LARGE1: variants seen among roughly 807,000 people sequenced by gnomAD.
The protein encoded by LARGE1 is xylosyl- and glucuronyltransferase LARGE1.
A neutral mutation model predicts 87.6 loss-of-function variants in LARGE1; 43 were observed. The observed-to-expected ratio is 0.49, with a 90% CI of 0.38 to 0.63. The LOEUF (loss-of-function observed/expected upper bound fraction) is 0.63. Among genes scored for constraint, LARGE1 ranks in the 30% least tolerant of loss-of-function variants. The pLI, the probability that LARGE1 is intolerant of heterozygous loss-of-function variation, is 0.00. For synonymous variants in LARGE1, 434 were observed against 394.6 expected (o/e 1.10, Z -1.18); for missense variants, 802 against 1,000.2 (o/e 0.80, Z 2.67).
At chr22:33,610,340 C>T (rs545796524) in intron 4 of LARGE1, among the ~76,000 whole-genome samples, 11 of 152,206 alleles carry the variant, frequency 7.2e-5, no homozygotes, top group Non-Finnish European at 1.5e-4. Context: ...TCCAGTCTGA[C>T]AAGTTCTCAG....
intron 2 of LARGE1, among the ~76,000 whole-genome samples, chr22:33,746,759 G>T (rs537610039): frequency 6.6e-6 from 1 of 152,336 alleles, no homozygotes; most frequent in Admixed American, 6.5e-5. Context: ...GAGTGAGGCT[G>T]TTGTGCAAGA....
the LARGE1 span, among the ~76,000 whole-genome samples, chr22:33,156,125 C>T: frequency 2.0e-5 from 3 of 152,194 alleles, no homozygotes; most frequent in Non-Finnish European, 4.4e-5. Flanking sequence ...TCATGGAGAA[C>T]CTCTGCTAGG....
chr22:33,855,533 T>C (rs1254799048), intron 1 of LARGE1, among the ~76,000 whole-genome samples: 5 of 151,910 alleles, frequency 3.3e-5, no homozygotes. Context: ...TGTGGTACAA[T>C]CCCCAGGACC....
chr22:33,894,652 T>A (rs1235310423), intron 1 of LARGE1, among the ~76,000 whole-genome samples: 1 of 152,018 alleles, frequency 6.6e-6, no homozygotes, highest in African/African-American at 2.4e-5. Flanking sequence ...CCAGGCAAGT[T>A]AGGACAGGGC....
the LARGE1 span, among the ~76,000 whole-genome samples, chr22:33,093,043 C>T: frequency 4.3e-5 from 6 of 139,100 alleles, no homozygotes; most frequent in Admixed American, 1.4e-4. Flanking sequence ...TTTGAGGAAT[C>T]GCCACACTGT....
rs373575389 is a variant in LARGE1, at chr22:33,614,542, C to T, written c.492-9984G>A. Among the ~76,000 whole-genome samples, 6 of 152,200 alleles carry T rather than the reference C, an allele frequency of 3.9e-5. No homozygotes were observed. The East Asian group carries it at 5.8e-4, about 15-fold the overall frequency. On this transcript the variant is annotated intron_variant, in intron 4 of 14. Coordinates refer to ENST00000397394, the MANE Select transcript of LARGE1 (RefSeq NM_133642.5). ...CTGTCCCTCAAAGCTCATATCTTCA[C>T]ACCCCTTCCTTAAACCCTGCACTCC...
intron 6 of LARGE1, among the ~76,000 whole-genome samples, chr22:33,547,880 A>G (rs1470381460): frequency 4.0e-5 from 6 of 151,014 alleles, no homozygotes; most frequent in East Asian, 1.9e-4. Flanking sequence ...GCTATAGGGT[A>G]TATCAGAACT....
intron 6 of LARGE1, among the ~76,000 whole-genome samples, chr22:33,482,719 A>G (rs943535346): frequency 6.6e-6 from 1 of 152,238 alleles, no homozygotes; most frequent in African/African-American, 2.4e-5. Context: ...AATAAAAAAA[A>G]ACACCAAACA....
At chr22:33,409,900 T>A (rs1347385278) in intron 7 of LARGE1, among the ~76,000 whole-genome samples, 2 of 149,446 alleles carry the variant, frequency 1.3e-5, no homozygotes, top group Admixed American at 6.7e-5. Context: ...CTTGGTTGAA[T>A]GTCCACAAAT....
intron 7 of LARGE1, among the ~76,000 whole-genome samples, chr22:33,428,123 C>T (rs1402018844): frequency 2.6e-5 from 4 of 152,230 alleles, no homozygotes; most frequent in Non-Finnish European, 4.4e-5. Flanking sequence ...GAGACCTTAG[C>T]AAACCCCAGT....
At position 33,709,487 on chromosome 22, in the gene LARGE1, C is replaced by T. The variant is rs548629105; in HGVS notation, c.106+51884G>A. On this transcript the variant is annotated intron_variant, in intron 2 of 14. Coordinates refer to ENST00000397394, the MANE Select transcript of LARGE1 (RefSeq NM_133642.5). ...CTACTAGTCATTTGCATTGAATGCA[C>T]GCCAAGACTGCACTTGGATTTAAAC... is the stretch of plus-strand genomic sequence containing the variant. Among the ~76,000 whole-genome samples, 30 of 152,272 alleles carry T rather than the reference C, an allele frequency of 2.0e-4. No individual in the cohort carries two copies. The South Asian group carries it at 5.4e-3, about 27-fold the overall frequency.
In LARGE1 at chr22:33,755,064, T is replaced by C. The variant is rs116488146; in HGVS notation, c.106+6307A>G. Reference sequence around the variant, plus strand: ...AATAAGGCAAAGAAAAAGCTTTAACTTACAATTCTTTCACTCTCACTGCCA... The same window carrying C: ...AATAAGGCAAAGAAAAAGCTTTAACCTACAATTCTTTCACTCTCACTGCCA... On this transcript the variant is annotated intron_variant, in intron 2 of 14. Coordinates refer to ENST00000397394, the MANE Select transcript of LARGE1 (RefSeq NM_133642.5). Among the ~76,000 whole-genome samples, 451 of 152,332 alleles carry C rather than the reference T, an allele frequency of 3.0e-3. 1 individual carries two copies. The highest frequency in any genetic ancestry group is 9.1e-3 in the African/African-American group (379 of 41,574).
intron 11 of LARGE1, among the ~76,000 whole-genome samples, chr22:33,172,626 T>C (rs1264804480): frequency 6.6e-6 from 1 of 152,118 alleles, no homozygotes; most frequent in Non-Finnish European, 1.5e-5. Context: ...CTCTAATTAC[T>C]CTAGTATATT....
chr22:33,782,510 C>T (rs895166434), intron 1 of LARGE1, among the ~76,000 whole-genome samples: 4 of 152,154 alleles, frequency 2.6e-5, no homozygotes, highest in Non-Finnish European at 5.9e-5. Flanking sequence ...TGTTTTACAT[C>T]AGTGACACGA....
At position 33,914,474 on chromosome 22, in the gene LARGE1, A is replaced by T. The variant is rs904775111; in HGVS notation, c.-83+5521T>A. ...ATTCAGCATTGTTGCTGTTGTTTTT[A>T]ATCACAAAGCACTTAATTCTCAAAT... On this transcript the variant is annotated intron_variant, in intron 1 of 14. Coordinates refer to ENST00000397394, the MANE Select transcript of LARGE1 (RefSeq NM_133642.5). Among the ~76,000 whole-genome samples the T allele has an allele frequency of 7.2e-5, 11 of 152,178 alleles. No homozygotes were observed. The East Asian group carries it at 2.1e-3, about 29-fold the overall frequency.
At chr22:33,556,554 G>C (rs186685814) in intron 6 of LARGE1, among the ~76,000 whole-genome samples, 5 of 83,802 alleles carry the variant, frequency 6.0e-5, no homozygotes, top group East Asian at 5.1e-4. Flanking sequence ...GAGGGAGGGA[G>C]GGAGGGAGGG....
chr22:33,705,359 G>T (rs2082530204), intron 2 of LARGE1, among the ~76,000 whole-genome samples: 1 of 152,170 alleles, frequency 6.6e-6, no homozygotes, highest in African/African-American at 2.4e-5. Context: ...GAGTTGAAGG[G>T]TCTATCATGG....
chr22:33,459,139 C>T (rs1358574537), intron 6 of LARGE1, among the ~76,000 whole-genome samples: 1 of 152,106 alleles, frequency 6.6e-6, no homozygotes, highest in Non-Finnish European at 1.5e-5. Context: ...CCTCGGCCCC[C>T]AACAGACCCT....
At chr22:33,467,818 G>T (rs964323636) in intron 6 of LARGE1, among the ~76,000 whole-genome samples, 1 of 152,120 alleles carries the variant, frequency 6.6e-6, no homozygotes, top group Non-Finnish European at 1.5e-5. Context: ...ATCTGGAATT[G>T]CTTTGGTTTT....
Sources: gnomAD v4.1 joint callset for allele counts (sites outside exome capture counted in the v4.1 genomes callset) on GRCh38, gnomAD v4.1.1 for gene constraint, MANE v1.5 for transcripts, NCBI Gene and HGNC (gene_info 2026-07-23, HGNC 2026-07-21) for gene names.